Variants in MED13L observed in about 807,000 individuals in gnomAD.
MED13L encodes mediator of RNA polymerase II transcription subunit 13-like.
Under a neutral mutation model 220.9 loss-of-function variants are expected in MED13L, and 7 were observed. The ratio of observed to expected loss-of-function variants is 0.03; its 90% confidence interval spans 0.02 to 0.06. MED13L has a LOEUF of 0.06. Ranked by LOEUF, MED13L falls within the 10% of genes least tolerant of loss-of-function variation. The pLI, the probability that MED13L is intolerant of heterozygous loss-of-function variation, is 1.00. For missense variants in MED13L, 1,965 were observed against 2,760.5 expected, an observed-to-expected ratio of 0.71 and a Z score of 6.46; for synonymous variants, 1,011 against 1,015.2, an observed-to-expected ratio of 1.00 and a Z score of 0.08.
At chr12:115,982,690 C>G in intron 21 of MED13L, 87 bp from the exon 22 acceptor site, 1 of 1,124,824 alleles carries the variant, frequency 8.9e-7, no homozygotes, top group Admixed American at 2.0e-5. Flanking sequence ...CTAGAGCACA[C>G]AGGCTCCCTA....
intron 1 of MED13L, among the ~76,000 whole-genome samples, chr12:116,276,234 T>C (rs908754183): frequency 6.6e-6 from 1 of 151,522 alleles, no homozygotes; most frequent in Non-Finnish European, 1.5e-5. Context: ...AGTTGTCAAT[T>C]ATCAGAAAGA....
At chr12:116,248,745 C>G (rs528623393) in intron 1 of MED13L, among the ~76,000 whole-genome samples, 1 of 152,358 alleles carries the variant, frequency 6.6e-6, no homozygotes, top group East Asian at 1.9e-4. Context: ...GAGCCTGAAA[C>G]AATTACTCTG....
rs1435138553 is a variant in MED13L, at chr12:115,975,697, C to T, written c.5406G>A (p.Leu1802=). 7 of 1,613,778 alleles carry T rather than the reference C, an allele frequency of 4.3e-6. No homozygotes were observed. The African/African-American group carries it at 8.0e-5, about 18-fold the overall frequency. ...PIQLYSPPFI[L]APIKDKQTEL... ...CTGTCTGCTTGTCTTTGATTGGGGC[C>T]AATATAAAGGGAGGGGAGTAAAGCT... The change falls in exon 24 of 31, where the codon TTG becomes TTA. Residue 1802 remains leucine, a synonymous_variant. Transcript: ENST00000281928.
At chr12:116,055,944 G>T (rs897715821) in intron 4 of MED13L, among the ~76,000 whole-genome samples, 2 of 151,284 alleles carry the variant, frequency 1.3e-5, no homozygotes, top group Non-Finnish European at 2.9e-5. Flanking sequence ...ACACCAAAAT[G>T]AGCTTAGTTA....
intron 4 of MED13L, among the ~76,000 whole-genome samples, chr12:116,071,042 T>C (rs1004925603): frequency 6.6e-6 from 1 of 152,186 alleles, no homozygotes; most frequent in African/African-American, 2.4e-5. Context: ...ATTTTCAAAA[T>C]ATCAGTATTT....
At chr12:116,176,647 C>A (rs1019115340) in intron 2 of MED13L, among the ~76,000 whole-genome samples, 7 of 151,546 alleles carry the variant, frequency 4.6e-5, no homozygotes, top group African/African-American at 1.7e-4. Flanking sequence ...ATTTTGAAAA[C>A]CAAATGGAAA....
chr12:116,224,319 A>G (rs1260084346), intron 2 of MED13L, among the ~76,000 whole-genome samples: 1 of 152,176 alleles, frequency 6.6e-6, no homozygotes, highest in Non-Finnish European at 1.5e-5. Context: ...GTGCAGTTAC[A>G]CGCACATGCT....
Position 115,987,305 on chromosome 12 carries a change from A to T in MED13L, c.3935-17T>A. The T allele has an allele frequency of 3.1e-6, 5 of 1,609,758 alleles. No homozygotes were observed. The highest frequency in any genetic ancestry group is 4.2e-6 in the Non-Finnish European group (5 of 1,178,544). On this transcript the variant is annotated splice_polypyrimidine_tract_variant and intron_variant, in intron 17 of 30. Coordinates refer to ENST00000281928, the MANE Select transcript of MED13L (RefSeq NM_015335.5). ...TGTCCAGCACTGGAAGAGAAGTGAGAAGAAACAGAGAAGATAAGGGGGCTA... is the reference window on the plus strand; with the variant it reads ...TGTCCAGCACTGGAAGAGAAGTGAGTAGAAACAGAGAAGATAAGGGGGCTA...
At chr12:116,000,838 A>G (rs1295820940) in intron 14 of MED13L, among the ~76,000 whole-genome samples, 1 of 152,216 alleles carries the variant, frequency 6.6e-6, no homozygotes, top group Admixed American at 6.5e-5. Flanking sequence ...ATGCTTTCCA[A>G]CACAATATCC....
At chr12:116,135,759 G>A (rs1876488731) in intron 2 of MED13L, among the ~76,000 whole-genome samples, 1 of 152,140 alleles carries the variant, frequency 6.6e-6, no homozygotes, top group African/African-American at 2.4e-5. Flanking sequence ...CCCTAAAGCA[G>A]GAAGAAACTT....
In MED13L at chr12:116,177,005, C is replaced by T. The variant is rs900749226; in HGVS notation, c.310+60463G>A. ...TACTGCAATAACTTGGTTAAATTAGCTTCTATTGCATTTTTGTTAATTGGG... is the reference window on the plus strand; with the variant it reads ...TACTGCAATAACTTGGTTAAATTAGTTTCTATTGCATTTTTGTTAATTGGG... On this transcript the variant is annotated intron_variant, in intron 2 of 30. Coordinates refer to ENST00000281928, the MANE Select transcript of MED13L (RefSeq NM_015335.5). 4.0e-5 allele frequency among the ~76,000 whole-genome samples: 6 copies of T among 151,686 alleles called. 1 individual carries two copies. The highest frequency in any genetic ancestry group is 3.3e-4 in the Admixed American group (5 of 15,208).
intron 1 of MED13L, among the ~76,000 whole-genome samples, chr12:116,259,451 T>C (rs1872332868): frequency 6.6e-6 from 1 of 152,172 alleles, no homozygotes; most frequent in South Asian, 2.1e-4. Flanking sequence ...TGTAAAAATA[T>C]ACATATAAAT....
At chr12:116,249,180 T>C (rs1871309373) in intron 1 of MED13L, among the ~76,000 whole-genome samples, 3 of 152,244 alleles carry the variant, frequency 2.0e-5, no homozygotes, top group Admixed American at 6.5e-5. Flanking sequence ...AGTCAAGTTC[T>C]GAACAGCCAG....
intron 2 of MED13L, among the ~76,000 whole-genome samples, chr12:116,123,858 C>T (rs937709345): frequency 1.3e-5 from 2 of 152,056 alleles, no homozygotes; most frequent in Non-Finnish European, 2.9e-5. Flanking sequence ...CATGGAAACA[C>T]GATTCATTAG....
In MED13L at chr12:116,277,626, A is replaced by AC. The variant is rs944129284; in HGVS notation, c.-496dup. On this transcript the variant is annotated 5_prime_UTR_variant, in exon 1 of 31. Transcript: ENST00000281928. ...GTCCCCTCCTTCCTCTTCCTCCCCC[A>AC]CCCCCCCCTCCTCCCCAGTCAGCCT... is the stretch of plus-strand genomic sequence containing the variant. Among the ~76,000 whole-genome samples the AC allele has an allele frequency of 2.0e-3, 215 of 106,194 alleles. 1 individual carries two copies. The highest frequency in any genetic ancestry group is 5.4e-3 in the Middle Eastern group (1 of 184). The allele number at this position is 106,194 out of a possible 152,430, so 69.7% of individuals were successfully genotyped here.
intron 2 of MED13L, among the ~76,000 whole-genome samples, chr12:116,206,074 CTTTT>C (rs1160337465): frequency 1.1e-5 from 1 of 87,186 alleles, no homozygotes; most frequent in African/African-American, 4.8e-5. Context: ...GTATTATTAC[CTTTT>C]TTTTTTTTTT....
At chr12:116,178,441 G>GA (rs1880246103) in intron 2 of MED13L, among the ~76,000 whole-genome samples, 1 of 152,114 alleles carries the variant, frequency 6.6e-6, no homozygotes, top group South Asian at 2.1e-4. Context: ...AGACAATTCT[G>GA]AAAATTAAAG....
chr12:116,233,848 C>T (rs1445245070), intron 2 of MED13L, among the ~76,000 whole-genome samples: 2 of 152,086 alleles, frequency 1.3e-5, no homozygotes, highest in Non-Finnish European at 2.9e-5. Flanking sequence ...AGACAGGAAC[C>T]CAAGTGTTTA....
intron 2 of MED13L, among the ~76,000 whole-genome samples, chr12:116,159,728 GTGTT>G (rs1054357101): frequency 6.6e-6 from 1 of 151,458 alleles, no homozygotes; most frequent in Non-Finnish European, 1.5e-5. Context: ...AGGTGGTACT[GTGTT>G]TGTGAATAAA....
Sources: allele counts gnomAD v4.1 joint callset (sites outside exome capture counted in the v4.1 genomes callset), GRCh38; gene constraint gnomAD v4.1.1; transcripts MANE v1.5; gene names NCBI Gene and HGNC (gene_info 2026-07-23, HGNC 2026-07-21).